RTN1: variants seen among roughly 807,000 people sequenced by gnomAD.
RTN1 encodes the protein reticulon-1.
A neutral mutation model predicts 65.5 loss-of-function variants in RTN1; 25 were observed. The observed-to-expected ratio is 0.38, with a 90% CI of 0.28 to 0.53. The LOEUF (loss-of-function observed/expected upper bound fraction) is 0.53. RTN1 is among the 20% of genes least tolerant of loss of function. The pLI is 0.79. For synonymous variants in RTN1, 471 were observed against 447.6 expected, an observed-to-expected ratio of 1.05 and a Z score of -0.66; for missense variants, 983 against 1,025.4, an observed-to-expected ratio of 0.96 and a Z score of 0.57.
At chr14:59,811,492 A>G (rs1042114025) in intron 1 of RTN1, among the ~76,000 whole-genome samples, 5 of 152,214 alleles carry the variant, frequency 3.3e-5, no homozygotes, top group South Asian at 4.1e-4. Context: ...GTACGTATCA[A>G]TTCTTGAAAT....
At chr14:59,812,918 T>A (rs1013897758) in intron 1 of RTN1, among the ~76,000 whole-genome samples, 3 of 152,230 alleles carry the variant, frequency 2.0e-5, no homozygotes, top group Non-Finnish European at 4.4e-5. Context: ...GCTGATTATC[T>A]CACTGCAAAG....
intron 2 of RTN1, among the ~76,000 whole-genome samples, chr14:59,729,368 T>A (rs1884851053): frequency 7.1e-6 from 1 of 140,520 alleles, no homozygotes; most frequent in South Asian, 2.2e-4. Context: ...AGGAAGGATA[T>A]GATCTATGGG....
rs150468529 is a variant in RTN1 at position 59,643,509 on chromosome 14, C to T, written c.1766-36017G>A. On this transcript the variant is annotated intron_variant, in intron 3 of 8. Transcript: ENST00000267484. ...CTAGGATTACAGGCGTGGGCCACCA[C>T]ACCTGGCCTCCTGAACTTTTAATGC... Among the ~76,000 whole-genome samples the T allele has an allele frequency of 2.3e-3, 346 of 152,358 alleles. 2 individuals carry two copies. The highest frequency in any genetic ancestry group is 7.8e-3 in the African/African-American group (324 of 41,592).
rs1594747339 is a variant in RTN1 at position 59,797,718 on chromosome 14, T to A, written c.242-51237A>T. ...GTTTAAAGCATTATTTACTCATTCCTTATAAAGAAGTAGAAGTACCAGAGT... is the reference window on the plus strand; with the variant it reads ...GTTTAAAGCATTATTTACTCATTCCATATAAAGAAGTAGAAGTACCAGAGT... On this transcript the variant is annotated intron_variant, in intron 1 of 8. Transcript: ENST00000267484. Among the ~76,000 whole-genome samples the A allele has an allele frequency of 2.6e-5, 4 of 152,370 alleles. 1 individual carries two copies. The highest frequency in any genetic ancestry group is 2.6e-4 in the Admixed American group (4 of 15,308).
At chr14:59,760,388 A>G (rs1377329258) in intron 1 of RTN1, among the ~76,000 whole-genome samples, 1 of 152,234 alleles carries the variant, frequency 6.6e-6, no homozygotes, top group East Asian at 1.9e-4. Flanking sequence ...ATTCTTAACC[A>G]TGGAGGGTGG....
rs780270198 is a variant in RTN1 at position 59,727,473 on chromosome 14, C to G, written c.1211G>C (p.Ser404Thr). The G allele has an allele frequency of 1.3e-6, 2 of 1,575,880 alleles. No homozygotes were observed. The highest frequency in any genetic ancestry group is 2.3e-5 in the South Asian group (2 of 86,432). ...TIPSPLDHEA[S>T]SAESGDSEIE... ...CTCTGAGTCCCCCGACTCCGCGCTG[C>G]TGGCCTCGTGGTCCAGGGGGCTGGG... The change falls in exon 3 of 9, where the codon AGC becomes ACC. Residue 404 changes from serine to threonine, a missense_variant. By Grantham distance (58) the Ser-to-Thr change is moderately conservative. Transcript: ENST00000267484. The surrounding 1 kb of genome is among the most constrained non-coding windows in gnomAD (Gnocchi z 4.2).
At chr14:59,649,536 T>C (rs1320695705) in intron 3 of RTN1, among the ~76,000 whole-genome samples, 1 of 151,924 alleles carries the variant, frequency 6.6e-6, no homozygotes, top group Non-Finnish European at 1.5e-5. Flanking sequence ...ATCCAGAAGC[T>C]ACAAGGAACT....
At chr14:59,842,900 T>A (rs1463268909) in intron 1 of RTN1, among the ~76,000 whole-genome samples, 1 of 152,160 alleles carries the variant, frequency 6.6e-6, no homozygotes, top group Non-Finnish European at 1.5e-5. Context: ...TGCAAAATGG[T>A]ATAGGCACTT....
chr14:59,819,492 T>A (rs868604293), intron 1 of RTN1, among the ~76,000 whole-genome samples: 1 of 119,790 alleles, frequency 8.3e-6, no homozygotes, highest in Non-Finnish European at 1.6e-5. Context: ...ACATAAAAGT[T>A]CTCCAAGCCC....
chr14:59,724,566 G>T lies in RTN1; in HGVS notation c.1765+2353C>A, dbSNP rs1375162867. ...CACAAACCTGCTGTCCACAAACAGT[G>T]ATTAAGAACAGCCTGGGGCTGGGCG... On this transcript the variant is annotated intron_variant, in intron 3 of 8. Transcript: ENST00000267484. 2.0e-5 allele frequency among the ~76,000 whole-genome samples: 3 copies of T among 152,264 alleles called. No homozygotes were observed. In the East Asian group the frequency reaches 5.8e-4, roughly 29 times the overall value.
chr14:59,768,997 C>A (rs1289910571), intron 1 of RTN1, among the ~76,000 whole-genome samples: 1 of 152,196 alleles, frequency 6.6e-6, no homozygotes, highest in Non-Finnish European at 1.5e-5. Flanking sequence ...GGATGTAGGA[C>A]TTTCAGTGCT....
rs1372768603 is a variant in RTN1 at position 59,608,841 on chromosome 14, T to TAG, written c.1766-1350_1766-1349insCT. ...GAGGCTCACAAGCATGTTTTGGGGG[T>TAG]GAAACAGATCTTTTTTTTCTCTTTT... On this transcript the variant is annotated intron_variant, in intron 3 of 8. Coordinates refer to ENST00000267484, the MANE Select transcript of RTN1 (RefSeq NM_021136.3). 9.2e-5 allele frequency among the ~76,000 whole-genome samples: 14 copies of TAG among 152,184 alleles called. No individual in the cohort carries two copies. In the East Asian group the frequency reaches 2.7e-3, roughly 29 times the overall value.
At chr14:59,827,852 G>A (rs980494059) in intron 1 of RTN1, among the ~76,000 whole-genome samples, 7 of 152,182 alleles carry the variant, frequency 4.6e-5, no homozygotes, top group Non-Finnish European at 1.0e-4. Flanking sequence ...TTCAGGGCAA[G>A]TCTTTTGATT....
intron 1 of RTN1, among the ~76,000 whole-genome samples, chr14:59,800,083 G>T (rs1037701236): frequency 6.6e-6 from 1 of 152,220 alleles, no homozygotes; most frequent in Non-Finnish European, 1.5e-5. Context: ...TACAGAGCCT[G>T]CTGGAAGCTG....
At chr14:59,854,634 C>T (rs147621115) in intron 1 of RTN1, among the ~76,000 whole-genome samples, 2 of 82,828 alleles carry the variant, frequency 2.4e-5, no homozygotes, top group Non-Finnish European at 2.3e-5. Flanking sequence ...AGCAAGACTG[C>T]GTCTCAAAAA....
intron 3 of RTN1, among the ~76,000 whole-genome samples, chr14:59,631,008 T>A (rs1225627400): frequency 6.6e-6 from 1 of 152,202 alleles, no homozygotes. Flanking sequence ...GTCAACGGCA[T>A]CATAAATGTC....
chr14:59,827,853 T>G (rs12879160), intron 1 of RTN1, among the ~76,000 whole-genome samples: 1 of 152,126 alleles, frequency 6.6e-6, no homozygotes, highest in Non-Finnish European at 1.5e-5. Flanking sequence ...TCAGGGCAAG[T>G]CTTTTGATTT....
chr14:59,607,955 A>G (rs980953312), intron 3 of RTN1, among the ~76,000 whole-genome samples: 4 of 151,768 alleles, frequency 2.6e-5, no homozygotes, highest in African/African-American at 9.7e-5. Flanking sequence ...GGACTAAACC[A>G]TTTTGTTCAA....
At position 59,703,156 on chromosome 14, in the gene RTN1, C is replaced by A. The variant is rs1349569243; in HGVS notation, c.1765+23763G>T. Among the ~76,000 whole-genome samples the A allele has an allele frequency of 2.0e-5, 3 of 152,112 alleles. No individual in the cohort carries two copies. In the South Asian group the frequency reaches 6.2e-4, roughly 31 times the overall value. ...ATCCCTCTAACTCTTTCTACTTTTT[C>A]TTTTCCTCCCCAGAGTCTTACCACT... On this transcript the variant is annotated intron_variant, in intron 3 of 8. Coordinates refer to ENST00000267484, the MANE Select transcript of RTN1 (RefSeq NM_021136.3).
Sources: allele counts gnomAD v4.1 joint callset (sites outside exome capture counted in the v4.1 genomes callset), GRCh38; gene constraint gnomAD v4.1.1; non-coding constraint Gnocchi (gnomAD v3.1); transcripts MANE v1.5; gene names NCBI Gene and HGNC (gene_info 2026-07-23, HGNC 2026-07-21).